Variants in ULK4 observed in about 807,000 individuals in gnomAD.
ULK4 encodes the protein unc-51 like kinase 4.
A neutral mutation model predicts 160.6 loss-of-function variants in ULK4; 133 were observed. The observed-to-expected ratio is 0.83, with a 90% CI of 0.72 to 0.96. The LOEUF (loss-of-function observed/expected upper bound fraction) is 0.96. Among genes scored for constraint, ULK4 ranks in the 40% least tolerant of loss-of-function variants. The pLI is 0.00. For missense variants in ULK4, 1,580 were observed against 1,499.5 expected, an observed-to-expected ratio of 1.05 and a Z score of -0.89; for synonymous variants, 534 against 539.8, an observed-to-expected ratio of 0.99 and a Z score of 0.15.
At chr3:41,692,973 T>A (rs762472689) in intron 27 of ULK4, among the ~76,000 whole-genome samples, 18 of 152,348 alleles carry the variant, frequency 1.2e-4, no homozygotes, top group Non-Finnish European at 2.2e-4. Context: ...GACTTAGGAA[T>A]GCTAAGACAG....
intron 22 of ULK4, among the ~76,000 whole-genome samples, chr3:41,750,677 T>G (rs2038589959): frequency 6.6e-6 from 1 of 152,124 alleles, no homozygotes; most frequent in Non-Finnish European, 1.5e-5. Context: ...TCTTTGTCTC[T>G]TCCATTAGTT....
intron 13 of ULK4, among the ~76,000 whole-genome samples, chr3:41,898,817 G>A (rs190325139): frequency 1.8e-4 from 28 of 152,296 alleles, no homozygotes; most frequent in African/African-American, 6.5e-4. Context: ...TACCTGCCAA[G>A]GTAAGGCTCT....
At chr3:41,533,582 A>G (rs528225794) in intron 32 of ULK4, among the ~76,000 whole-genome samples, 1 of 152,314 alleles carries the variant, frequency 6.6e-6, no homozygotes, top group South Asian at 2.1e-4. Context: ...TGTAAATAAA[A>G]TTTTATCAAC....
At position 41,473,661 on chromosome 3, in the gene ULK4, C is replaced by CAAAAAAAAAAAA. The variant is rs1294599838; in HGVS notation, c.3227-10409_3227-10408insTTTTTTTTTTTT. Among the ~76,000 whole-genome samples, 43 of 25,278 alleles carry CAAAAAAAAAAAA rather than the reference C, an allele frequency of 1.7e-3. 4 individuals are homozygous for CAAAAAAAAAAAA. Among genetic ancestry groups the CAAAAAAAAAAAA allele is most frequent in the African/African-American group, 7.8e-3 (43 of 5,492 alleles). The allele number at this position is 25,278 out of a possible 152,430, so 16.6% of individuals were successfully genotyped here. ...TGGGCAACAGAATGAGATTCTGTCT[C>CAAAAAAAAAAAA]AAAGAAAAAAAAAAAAAAAAAAAGA... is the stretch of plus-strand genomic sequence containing the variant. On this transcript the variant is annotated intron_variant, in intron 32 of 36. Transcript: ENST00000301831.
intron 34 of ULK4, among the ~76,000 whole-genome samples, chr3:41,455,140 G>A (rs1451311506): frequency 6.6e-6 from 1 of 152,112 alleles, no homozygotes; most frequent in East Asian, 1.9e-4. Context: ...CATTTCTGGG[G>A]AAGTCCTGCA....
chr3:41,826,945 T>C (rs1028997456), intron 18 of ULK4, among the ~76,000 whole-genome samples: 11 of 141,884 alleles, frequency 7.8e-5, no homozygotes, highest in Non-Finnish European at 1.5e-4. Flanking sequence ...AGAACAGAAA[T>C]TACAACAAAC....
intron 9 of ULK4, 143 bp downstream of exon 9, chr3:41,912,664 G>A: frequency 3.1e-6 from 2 of 643,044 alleles, no homozygotes; most frequent in Non-Finnish European, 2.6e-6. Context: ...AACTCCTCAA[G>A]CAACCCTTAA....
At chr3:41,914,746 G>A (rs1332308952) in intron 8 of ULK4, 1 of 152,236 alleles carries the variant, frequency 6.6e-6, no homozygotes, top group Non-Finnish European at 1.5e-5. Context: ...GCCAGGTACA[G>A]TGGCTCACAC....
chr3:41,794,687 C>G (rs142646165), intron 20 of ULK4, among the ~76,000 whole-genome samples: 9,153 of 58,422 alleles, frequency 0.16, 828 homozygotes, highest in Middle Eastern at 0.29. Context: ...AAAAAAAAAA[C>G]ACAGAAAAAA....
chr3:41,864,086 G>A (rs995676904), intron 17 of ULK4, among the ~76,000 whole-genome samples: 2 of 152,094 alleles, frequency 1.3e-5, no homozygotes, highest in East Asian at 1.9e-4. Context: ...GTGCTGCAGC[G>A]CTCAGTGGTA....
chr3:41,745,963 A>T (rs894498073), intron 22 of ULK4, among the ~76,000 whole-genome samples: 9 of 151,176 alleles, frequency 6.0e-5, no homozygotes, highest in African/African-American at 2.2e-4. Context: ...GAAAAAAAAA[A>T]CTCTAAGAAA....
intron 19 of ULK4, among the ~76,000 whole-genome samples, chr3:41,810,415 C>A (rs2040785383): frequency 6.6e-6 from 1 of 152,046 alleles, no homozygotes; most frequent in African/African-American, 2.4e-5. Flanking sequence ...TAAAACTTTC[C>A]AGGTGGGTGG....
intron 34 of ULK4, among the ~76,000 whole-genome samples, chr3:41,439,304 C>T (rs1270919045): frequency 6.6e-6 from 1 of 152,060 alleles, no homozygotes; most frequent in Non-Finnish European, 1.5e-5. Flanking sequence ...GGCAAGGTAA[C>T]TATAGTACCA....
rs57720185 is a variant in ULK4 at position 41,522,129 on chromosome 3, CT to C, written c.3226+43895del. On this transcript the variant is annotated intron_variant, in intron 32 of 36. Transcript: ENST00000301831. ...TGGTTAAATGTTTTTTCTTTTTTTT[CT>C]TTTTTTTTTTTTTTGAGACCGAGTC... Among the ~76,000 whole-genome samples the C allele has an allele frequency of 2.7e-3, 365 of 135,924 alleles. 1 individual carries two copies. The highest frequency in any genetic ancestry group is 3.7e-3 in the Middle Eastern group (1 of 268). 89.2% of individuals were successfully genotyped at this position (135,924 alleles called of 152,430 possible). A position where few individuals can be genotyped will look rare whatever the true frequency, so the allele number is the denominator to read the frequency against.
intron 27 of ULK4, among the ~76,000 whole-genome samples, chr3:41,699,807 G>C (rs889185273): frequency 1.3e-5 from 2 of 152,164 alleles, no homozygotes; most frequent in Non-Finnish European, 2.9e-5. Context: ...AATTTCTCAT[G>C]AGTTATATCA....
intron 21 of ULK4, among the ~76,000 whole-genome samples, chr3:41,755,133 CAT>C (rs1276688271): frequency 3.3e-5 from 5 of 152,274 alleles, no homozygotes; most frequent in African/African-American, 9.6e-5. Context: ...CATACACACA[CAT>C]GGTTAACGAA....
chr3:41,356,895 T>G (rs2125768172), intron 35 of ULK4, among the ~76,000 whole-genome samples: 2 of 152,188 alleles, frequency 1.3e-5, no homozygotes, highest in Non-Finnish European at 2.9e-5. Context: ...GGCAGCAGGT[T>G]GAAAACACCT....
intron 31 of ULK4, among the ~76,000 whole-genome samples, chr3:41,587,819 CT>C (rs2030943472): frequency 6.6e-6 from 1 of 152,076 alleles, no homozygotes; most frequent in African/African-American, 2.4e-5. Context: ...AAAATTAAAT[CT>C]TTTTTAAATA....
At chr3:41,702,858 T>TG (rs2036726094) in intron 27 of ULK4, among the ~76,000 whole-genome samples, 1 of 149,572 alleles carries the variant, frequency 6.7e-6, no homozygotes, top group African/African-American at 2.5e-5. Flanking sequence ...TTTTTTGGTT[T>TG]TGTTTTTTTT....
Sources: allele counts gnomAD v4.1 joint callset (sites outside exome capture counted in the v4.1 genomes callset), GRCh38; gene constraint gnomAD v4.1.1; transcripts MANE v1.5; gene names NCBI Gene and HGNC (gene_info 2026-07-23, HGNC 2026-07-21).